ATP8A2: variants seen among roughly 807,000 people sequenced by gnomAD.
ATP8A2 encodes the protein phospholipid-transporting ATPase IB.
ATP8A2 carries 100 observed loss-of-function variants against 165.6 expected under a neutral mutation model. The observed-to-expected ratio is 0.60, with a 90% CI of 0.51 to 0.71. The LOEUF is 0.71. Among genes scored for constraint, ATP8A2 ranks in the 30% least tolerant of loss-of-function variants. The pLI is 0.00. For missense variants in ATP8A2, 1,227 were observed against 1,479.5 expected (o/e 0.83, Z 2.80); for synonymous variants, 543 against 548.8 (o/e 0.99, Z 0.15).
At chr13:25,982,759 C>G (rs1341884303) in intron 35 of ATP8A2, among the ~76,000 whole-genome samples, 1 of 152,166 alleles carries the variant, frequency 6.6e-6, no homozygotes, top group Non-Finnish European at 1.5e-5. Flanking sequence ...ATCTTTGTAA[C>G]TGTACTGTTT....
chr13:25,475,734 G>T (rs967207989), intron 2 of ATP8A2, among the ~76,000 whole-genome samples: 1 of 152,194 alleles, frequency 6.6e-6, no homozygotes, highest in Non-Finnish European at 1.5e-5. Context: ...GGTACTCATT[G>T]TGGTTTTGAT....
chr13:25,673,731 C>A (rs951361115), intron 24 of ATP8A2, among the ~76,000 whole-genome samples: 2 of 152,094 alleles, frequency 1.3e-5, no homozygotes, highest in Non-Finnish European at 2.9e-5. Flanking sequence ...AAGAATGATT[C>A]ACGGCAATGG....
Position 26,020,049 on chromosome 13 carries a change from A to T in ATP8A2, c.*64A>T. 8.3e-7 allele frequency: 1 copy of T among 1,211,152 alleles called. No individual in the cohort carries two copies. Among genetic ancestry groups the T allele is most frequent in the Non-Finnish European group, 1.2e-6 (1 of 821,828 alleles). The allele number at this position is 1,211,152 out of a possible 1,614,324, so 75.0% of individuals were successfully genotyped here. A position where few individuals can be genotyped will look rare whatever the true frequency, so the allele number is the denominator to read the frequency against. ...AGTTTGTTGCACCCAGTGTTAACACATCTTTGTCAGAGAAGACTGGCGTCA... is the reference window on the plus strand; with the variant it reads ...AGTTTGTTGCACCCAGTGTTAACACTTCTTTGTCAGAGAAGACTGGCGTCA... On this transcript the variant is annotated 3_prime_UTR_variant, in exon 37 of 37. Coordinates refer to ENST00000381655, the MANE Select transcript of ATP8A2 (RefSeq NM_016529.6).
At chr13:26,016,050 C>A (rs1008003471) in intron 36 of ATP8A2, among the ~76,000 whole-genome samples, 1 of 152,164 alleles carries the variant, frequency 6.6e-6, no homozygotes, top group Non-Finnish European at 1.5e-5. Flanking sequence ...CTCTAACTCC[C>A]GCCAGGCCTG....
At chr13:25,395,073 C>T (rs1329630225) in intron 1 of ATP8A2, among the ~76,000 whole-genome samples, 1 of 152,198 alleles carries the variant, frequency 6.6e-6, no homozygotes, top group Admixed American at 6.5e-5. Flanking sequence ...TACAAAGACT[C>T]TATGTCTTCC....
intron 2 of ATP8A2, among the ~76,000 whole-genome samples, chr13:25,508,428 T>C (rs1472551046): frequency 6.6e-6 from 1 of 152,174 alleles, no homozygotes; most frequent in African/African-American, 2.4e-5. Flanking sequence ...GGAAATAAAG[T>C]AAATGCTCAT....
chr13:25,683,651 TCAA>T (rs1339794644), intron 24 of ATP8A2, among the ~76,000 whole-genome samples: 2 of 152,012 alleles, frequency 1.3e-5, no homozygotes, highest in Admixed American at 6.6e-5. Context: ...GTTCAGAGTT[TCAA>T]CAACAACAAG....
At chr13:25,972,046 A>C (rs1955926837) in intron 35 of ATP8A2, among the ~76,000 whole-genome samples, 2 of 152,172 alleles carry the variant, frequency 1.3e-5, no homozygotes, top group Non-Finnish European at 1.5e-5. Context: ...CAAATATTCT[A>C]GCAGTTTTTC....
chr13:25,927,626 A>G (rs1291339518), intron 33 of ATP8A2, among the ~76,000 whole-genome samples: 1 of 152,274 alleles, frequency 6.6e-6, no homozygotes, highest in African/African-American at 2.4e-5. Flanking sequence ...ACTGGTTATT[A>G]GTTCTTCATA....
At chr13:25,479,540 G>A (rs1333585933) in intron 2 of ATP8A2, among the ~76,000 whole-genome samples, 1 of 151,850 alleles carries the variant, frequency 6.6e-6, no homozygotes, top group Non-Finnish European at 1.5e-5. Flanking sequence ...TCTCACGGAG[G>A]GGGATTTGGC....
At chr13:25,996,324 A>G (rs1306680565) in intron 35 of ATP8A2, among the ~76,000 whole-genome samples, 1 of 151,980 alleles carries the variant, frequency 6.6e-6, no homozygotes, top group Non-Finnish European at 1.5e-5. Flanking sequence ...TTGAGCCATC[A>G]CACCTAGCTC....
In ATP8A2 at chr13:25,774,028, G is replaced by GA. The variant is rs1422978245; in HGVS notation, c.2569-815dup. The stretch of plus-strand genomic sequence containing the variant: ...CCTGTCCCTTGCTCTTTTTGTCACT[G>GA]AAAAAATCTGTGTTTGCTTAGAGAT... On this transcript the variant is annotated intron_variant, in intron 26 of 36. Coordinates refer to ENST00000381655, the MANE Select transcript of ATP8A2 (RefSeq NM_016529.6). Among the ~76,000 whole-genome samples, 7 of 152,116 alleles carry GA rather than the reference G, an allele frequency of 4.6e-5. No homozygotes were observed. In the South Asian group the frequency reaches 8.3e-4, roughly 18 times the overall value.
intron 30 of ATP8A2, among the ~76,000 whole-genome samples, chr13:25,857,033 T>C (rs999158858): frequency 2.0e-5 from 3 of 152,224 alleles, no homozygotes; most frequent in Admixed American, 2.0e-4. Flanking sequence ...CAGCTCTGAA[T>C]CTTCCAGTGG....
intron 25 of ATP8A2, among the ~76,000 whole-genome samples, chr13:25,716,703 G>T (rs1034565407): frequency 6.6e-6 from 1 of 152,202 alleles, no homozygotes; most frequent in Non-Finnish European, 1.5e-5. Context: ...AAATATTTAT[G>T]TAGCTCTTAT....
rs561697602 is a variant in ATP8A2, at chr13:25,412,832, T to G, written c.76+40544T>G. Reference sequence around the variant, plus strand: ...GTAATACCAAATGGATCAATTTTTTTTGGGGGGGGATGGAGTCTTGCTCTG... The same window carrying G: ...GTAATACCAAATGGATCAATTTTTTGTGGGGGGGGATGGAGTCTTGCTCTG... On this transcript the variant is annotated intron_variant, in intron 1 of 36. Coordinates refer to ENST00000381655, the MANE Select transcript of ATP8A2 (RefSeq NM_016529.6). 2.5e-3 allele frequency among the ~76,000 whole-genome samples: 383 copies of G among 152,002 alleles called. 2 individuals are homozygous for G. The highest frequency in any genetic ancestry group is 0.01 in the Middle Eastern group (3 of 294).
chr13:25,943,692 C>G (rs143748239), intron 33 of ATP8A2, among the ~76,000 whole-genome samples: 1 of 152,176 alleles, frequency 6.6e-6, no homozygotes, highest in Non-Finnish European at 1.5e-5. Flanking sequence ...GATTTGAAAA[C>G]GAATGTTATT....
chr13:25,769,108 C>T lies in ATP8A2; in HGVS notation c.2447C>T (p.Thr816Ile), dbSNP rs371474821. 6.2e-7 allele frequency: 1 copy of T among 1,614,190 alleles called. No individual in the cohort carries two copies. The highest frequency in any genetic ancestry group is 8.5e-7 in the Non-Finnish European group (1 of 1,180,024). ...GTGAAGAAGCGGGTGAAGGCCATCACCCTCGCCATCGGAGACGGCGCCAAC... is the reference window on the plus strand; with the variant it reads ...GTGAAGAAGCGGGTGAAGGCCATCATCCTCGCCATCGGAGACGGCGCCAAC... ...DVVKKRVKAI[T>I]LAIGDGANDV... Residue 816 changes from threonine to isoleucine, a missense_variant, in exon 26 of 37, where the codon ACC (threonine) becomes ATC (isoleucine). Transcript: ENST00000381655.
intron 24 of ATP8A2, among the ~76,000 whole-genome samples, chr13:25,642,852 G>C (rs781602874): frequency 5.3e-5 from 8 of 152,274 alleles, no homozygotes; most frequent in Middle Eastern, 3.4e-3. Context: ...AGAAAATGTG[G>C]CACATGCACA....
chr13:25,541,621 C>T (rs1247145525), intron 8 of ATP8A2, among the ~76,000 whole-genome samples: 2 of 152,176 alleles, frequency 1.3e-5, no homozygotes, highest in Non-Finnish European at 1.5e-5. Flanking sequence ...GTAGATTATG[C>T]TTGCTGTAAG....
Sources: gnomAD v4.1 joint callset for allele counts (sites outside exome capture counted in the v4.1 genomes callset) on GRCh38, gnomAD v4.1.1 for gene constraint, MANE v1.5 for transcripts, NCBI Gene and HGNC (gene_info 2026-07-23, HGNC 2026-07-21) for gene names.